The following VAV2 variants were observed in gnomAD, a reference collection of about 807,000 sequenced individuals.
The protein encoded by VAV2 is guanine nucleotide exchange factor VAV2.
A neutral mutation model predicts 132.5 loss-of-function variants in VAV2; 67 were observed. That is an observed-to-expected ratio of 0.51 (90% CI 0.42 to 0.62). VAV2 has a LOEUF of 0.62. Among genes scored for constraint, VAV2 ranks in the 20% least tolerant of loss-of-function variants. The pLI, the probability that VAV2 is intolerant of heterozygous loss-of-function variation, is 0.00. For synonymous variants in VAV2, 492 were observed against 443.5 expected, an observed-to-expected ratio of 1.11 and a Z score of -1.37; for missense variants, 938 against 1,153.6, an observed-to-expected ratio of 0.81 and a Z score of 2.71.
chr9:133,887,455 A>C (rs918761740), intron 2 of VAV2, among the ~76,000 whole-genome samples: 3 of 152,240 alleles, frequency 2.0e-5, no homozygotes, highest in African/African-American at 4.8e-5. Context: ...TAAAAACAGC[A>C]ATGGCAGCCC....
At chr9:133,851,850 T>C (rs932227232) in intron 3 of VAV2, among the ~76,000 whole-genome samples, 2 of 148,572 alleles carry the variant, frequency 1.3e-5, no homozygotes, top group Non-Finnish European at 3.0e-5. Context: ...AATGGGTGGA[T>C]GGATGGATGG....
At chr9:133,814,158 G>T (rs1274838632) in intron 4 of VAV2, among the ~76,000 whole-genome samples, 1 of 152,240 alleles carries the variant, frequency 6.6e-6, no homozygotes, top group Non-Finnish European at 1.5e-5. Context: ...GGCAGGAAGG[G>T]TGTTTGTGAG....
At position 133,935,627 on chromosome 9, in the gene VAV2, G is replaced by T. The variant is rs1840880113; in HGVS notation, c.321+3476C>A. On this transcript the variant is annotated intron_variant, in intron 2 of 29. Coordinates refer to ENST00000371850, the MANE Select transcript of VAV2 (RefSeq NM_001134398.2). This position sits in a 1 kb window ranked among gnomAD's most constrained non-coding sequence, Gnocchi z 5.2. The stretch of plus-strand genomic sequence containing the variant: ...AGAACACCTGTCCCGGAGAAGCCAG[G>T]AGGCGCTGGCAGAGCAGAACCGTCA... 6.6e-6 allele frequency among the ~76,000 whole-genome samples: 1 copy of T among 152,372 alleles called. No homozygotes were observed. The highest frequency in any genetic ancestry group is 2.1e-4 in the South Asian group (1 of 4,830).
intron 2 of VAV2, among the ~76,000 whole-genome samples, chr9:133,923,294 T>C (rs1209141359): frequency 3.3e-5 from 5 of 152,106 alleles, no homozygotes; most frequent in South Asian, 2.1e-4. Context: ...CTCAAAAAAT[T>C]AGACATAGAA....
chr9:133,966,725 TA>T (rs965752759), intron 1 of VAV2, among the ~76,000 whole-genome samples: 30 of 147,662 alleles, frequency 2.0e-4, no homozygotes, highest in Admixed American at 6.7e-4. Flanking sequence ...TTTAAAACTT[TA>T]AAAAAAAAAA....
At position 133,885,983 on chromosome 9, in the gene VAV2, C is replaced by G. The variant is rs191456905; in HGVS notation, c.322-24551G>C. On this transcript the variant is annotated intron_variant, in intron 2 of 29. Transcript: ENST00000371850. This position sits in a 1 kb window ranked among gnomAD's most constrained non-coding sequence, Gnocchi z 5.0. ...AACCAACTTTAAACTTGTTACAAAT[C>G]CCAGAGAGAGAAGCGTGTGCAGGAG... is the stretch of plus-strand genomic sequence containing the variant. Among the ~76,000 whole-genome samples the G allele has an allele frequency of 6.6e-6, 1 of 152,320 alleles. No homozygotes were observed. The highest frequency in any genetic ancestry group is 1.9e-4 in the East Asian group (1 of 5,182).
At chr9:133,983,041 C>T (rs570605952) in intron 1 of VAV2, among the ~76,000 whole-genome samples, 1 of 152,274 alleles carries the variant, frequency 6.6e-6, no homozygotes, top group South Asian at 2.1e-4. Context: ...CGGCAGTGGC[C>T]GGGCTGGGAC....
At chr9:133,805,255 G>A (rs1835087387) in intron 9 of VAV2, among the ~76,000 whole-genome samples, 1 of 152,142 alleles carries the variant, frequency 6.6e-6, no homozygotes, top group Non-Finnish European at 1.5e-5. Flanking sequence ...AGGCCCCAGA[G>A]CAGACCCAGA....
chr9:133,874,900 C>T (rs1016925806), intron 2 of VAV2, among the ~76,000 whole-genome samples: 4 of 152,164 alleles, frequency 2.6e-5, no homozygotes, highest in Non-Finnish European at 4.4e-5. Flanking sequence ...GTGCATGGTC[C>T]GAGCTGCAAG....
rs1837698550 is a variant in VAV2 at position 133,863,952 on chromosome 9, G to C, written c.322-2520C>G. On this transcript the variant is annotated intron_variant, in intron 2 of 29. Coordinates refer to ENST00000371850, the MANE Select transcript of VAV2 (RefSeq NM_001134398.2). The surrounding 1 kb of genome is among the most constrained non-coding windows in gnomAD (Gnocchi z 5.0). ...CCTGCAGGAGGAGGGATGCCCTACA[G>C]TAGCTCCCCAGGGCACCTCTGGCTG... is the stretch of plus-strand genomic sequence containing the variant. Among the ~76,000 whole-genome samples the C allele has an allele frequency of 6.6e-6, 1 of 152,174 alleles. No homozygotes were observed. The highest frequency in any genetic ancestry group is 6.5e-5 in the Admixed American group (1 of 15,286).
rs1018804191 is a variant in VAV2, at chr9:133,928,621, G to T, written c.321+10482C>A. Among the ~76,000 whole-genome samples, 1 of 152,190 alleles carries T rather than the reference G, an allele frequency of 6.6e-6. No homozygotes were observed. The highest frequency in any genetic ancestry group is 6.5e-5 in the Admixed American group (1 of 15,276). On this transcript the variant is annotated intron_variant, in intron 2 of 29. Coordinates refer to ENST00000371850, the MANE Select transcript of VAV2 (RefSeq NM_001134398.2). The surrounding 1 kb of genome is among the most constrained non-coding windows in gnomAD (Gnocchi z 5.4). ...ACTCAGCAAATTAATGAACAAATAC[G>T]AAGAGGAAATGAACAAACACATGCA...
intron 2 of VAV2, among the ~76,000 whole-genome samples, chr9:133,900,999 C>T (rs1273745955): frequency 2.0e-5 from 3 of 151,766 alleles, no homozygotes; most frequent in African/African-American, 4.8e-5. Flanking sequence ...GGGGTTTCAC[C>T]GTTTTGGCCA....
intron 18 of VAV2, 34 bp downstream of exon 18, chr9:133,784,283 C>G: frequency 6.3e-7 from 1 of 1,598,302 alleles, no homozygotes; most frequent in Non-Finnish European, 8.6e-7. Flanking sequence ...GGGCGTGGAG[C>G]GAGGTGAGGG....
At chr9:133,948,564 G>A (rs1169808391) in intron 1 of VAV2, among the ~76,000 whole-genome samples, 1 of 151,806 alleles carries the variant, frequency 6.6e-6, no homozygotes, top group Non-Finnish European at 1.5e-5. Context: ...CCCCCACCAA[G>A]AGCAAGCAGC....
chr9:133,844,837 C>T (rs1836866310), intron 3 of VAV2, among the ~76,000 whole-genome samples: 2 of 152,336 alleles, frequency 1.3e-5, no homozygotes, highest in South Asian at 4.1e-4. Flanking sequence ...TTGGGTCTGC[C>T]CAAGCTTCCA....
Position 133,918,043 on chromosome 9 carries a change from C to T in VAV2, c.321+21060G>A, listed in dbSNP as rs1286402628. ...AGGTCAGCAATTTCTCATTTCCCTG[C>T]TTCACCAACTCCATTTTCCAAAGTG... is the stretch of plus-strand genomic sequence containing the variant. On this transcript the variant is annotated intron_variant, in intron 2 of 29. Transcript: ENST00000371850. The surrounding 1 kb of genome is among the most constrained non-coding windows in gnomAD (Gnocchi z 4.7). Among the ~76,000 whole-genome samples, 2 of 152,274 alleles carry T rather than the reference C, an allele frequency of 1.3e-5. No homozygotes were observed. Among genetic ancestry groups the T allele is most frequent in the African/African-American group, 2.4e-5 (1 of 41,544 alleles).
chr9:133,980,379 A>C (rs1337097305), intron 1 of VAV2, among the ~76,000 whole-genome samples: 1 of 152,172 alleles, frequency 6.6e-6, no homozygotes, highest in Non-Finnish European at 1.5e-5. Flanking sequence ...GAGTCTTCCA[A>C]GGACCAGGGG....
Position 133,810,180 on chromosome 9 carries a change from G to A in VAV2, c.567+11C>T, listed in dbSNP as rs41302915. ...CAGGACGTCCCCAGCCTCCCCTTCC[G>A]GGCCACTCACCTGCATGTATCTAAT... On this transcript the variant is annotated intron_variant, in intron 6 of 29. Coordinates refer to ENST00000371850, the MANE Select transcript of VAV2 (RefSeq NM_001134398.2). The A allele has an allele frequency of 0.031, 50,117 of 1,613,124 alleles. 918 individuals are homozygous for A. The highest frequency in any genetic ancestry group is 0.034 in the Non-Finnish European group (39,610 of 1,179,760).
At chr9:133,889,102 GGT>G (rs1838828351) in intron 2 of VAV2, among the ~76,000 whole-genome samples, 1 of 152,128 alleles carries the variant, frequency 6.6e-6, no homozygotes, top group Non-Finnish European at 1.5e-5. Context: ...AGCTGAAAGG[GGT>G]CTCAGTGCTG....
Sources: allele counts gnomAD v4.1 joint callset (sites outside exome capture counted in the v4.1 genomes callset), GRCh38; gene constraint gnomAD v4.1.1; non-coding constraint Gnocchi (gnomAD v3.1); transcripts MANE v1.5; gene names NCBI Gene and HGNC (gene_info 2026-07-23, HGNC 2026-07-21).